The following CDKN2A variants were observed in gnomAD, a reference collection of about 807,000 sequenced individuals.
CDKN2A encodes cyclin dependent kinase inhibitor 2A.
In CDKN2A, 3 loss-of-function variants were observed where a neutral mutation model predicts 11.1. That is an observed-to-expected ratio of 0.27 (90% CI 0.12 to 0.70). The LOEUF is 0.70. CDKN2A is among the 30% of genes least tolerant of loss of function. The pLI is 0.77. For synonymous variants in CDKN2A, 122 were observed against 108.1 expected (o/e 1.13, Z -0.80); for missense variants, 265 against 233.6 (o/e 1.13, Z -0.88).
rs1233073340 is a variant in CDKN2A, at chr9:21,988,148, A to T, written c.-4+5734T>A. Among the ~76,000 whole-genome samples the T allele has an allele frequency of 6.6e-6, 1 of 152,168 alleles. No individual in the cohort carries two copies. Among genetic ancestry groups the T allele is most frequent in the East Asian group, 1.9e-4 (1 of 5,192 alleles). ...GAGATTACATGTCTTTGTTCATGTA[A>T]TTCTGAACCTCTATAAAACTTTTCT... On this transcript the variant is annotated intron_variant, in intron 2 of 3. Transcript: ENST00000494262. The surrounding 1 kb of genome is among the most constrained non-coding windows in gnomAD (Gnocchi z 4.1).
chr9:21,994,459 G>GT (rs1359647352), intron 1 of CDKN2A: 1 of 1,465,556 alleles, frequency 6.8e-7, no homozygotes, highest in Admixed American at 2.3e-5. Context: ...GCCCATCTCC[G>GT]CCCCGCAGGC....
At position 21,974,278 on chromosome 9, in the gene CDKN2A, G is replaced by C; in HGVS notation, c.150+400C>G. ...TTCCACTGATAATCCCTCCTAGTAAGAAAGATAAGCTCCATCCAGGTATCT... is the reference window on the plus strand; with the variant it reads ...TTCCACTGATAATCCCTCCTAGTAACAAAGATAAGCTCCATCCAGGTATCT... On this transcript the variant is annotated intron_variant, in intron 1 of 2. Transcript: ENST00000304494. The surrounding 1 kb of genome is among the most constrained non-coding windows in gnomAD (Gnocchi z 5.2). The C allele has an allele frequency of 3.2e-6, 2 of 630,604 alleles. No homozygotes were observed. The highest frequency in any genetic ancestry group is 2.5e-6 in the Non-Finnish European group (1 of 405,760). 39.1% of individuals were successfully genotyped at this position (630,604 alleles called of 1,614,324 possible).
Position 21,988,804 on chromosome 9 carries a change from T to C in CDKN2A, c.-4+5078A>G, listed in dbSNP as rs959885074. On this transcript the variant is annotated intron_variant, in intron 2 of 3. Coordinates refer to the CDKN2A transcript ENST00000494262. This position sits in a 1 kb window ranked among gnomAD's most constrained non-coding sequence, Gnocchi z 4.1. ...CACTATATTTTTAAAAATACCACTATGTACAAGGCACTGTGCTATATCTGG... is the reference window on the plus strand; with the variant it reads ...CACTATATTTTTAAAAATACCACTACGTACAAGGCACTGTGCTATATCTGG... Among the ~76,000 whole-genome samples the C allele has an allele frequency of 3.5e-4, 53 of 152,340 alleles. No homozygotes were observed. Among genetic ancestry groups the C allele is most frequent in the African/African-American group, 1.2e-3 (51 of 41,578 alleles).
chr9:21,974,425 T>G lies in CDKN2A; in HGVS notation c.150+253A>C. On this transcript the variant is annotated intron_variant, in intron 1 of 2. Coordinates refer to ENST00000304494, the MANE Select transcript of CDKN2A (RefSeq NM_000077.5). The surrounding 1 kb of genome is among the most constrained non-coding windows in gnomAD (Gnocchi z 5.2). Reference sequence around the variant, plus strand: ...ATACTTCCATCTAATACAAATATGTTCCCCCCTTCAGATCTTCTCAGCATT... The same window carrying G: ...ATACTTCCATCTAATACAAATATGTGCCCCCCTTCAGATCTTCTCAGCATT... 2.5e-6 allele frequency: 4 copies of G among 1,607,696 alleles called. No homozygotes were observed. The South Asian group carries it at 4.4e-5, about 18-fold the overall frequency.
chr9:21,982,768 C>T lies in CDKN2A; in HGVS notation c.-4+11114G>A, dbSNP rs369427829. ...AAAATAATGGCTATCATTTTTTCAA[C>T]CCCCAGCTATGTGACAAGCATCAAG... On this transcript the variant is annotated intron_variant, in intron 2 of 3. Coordinates refer to the CDKN2A transcript ENST00000494262. Among the ~76,000 whole-genome samples the T allele has an allele frequency of 1.8e-4, 28 of 151,860 alleles. 1 individual carries two copies. The highest frequency in any genetic ancestry group is 1.4e-3 in the Admixed American group (21 of 15,266).
chr9:21,991,728 G>A lies in CDKN2A; in HGVS notation c.-4+2154C>T. ...AATAGGCTATGTTGTTGCTACCTTA[G>A]GATCATAATGGACTTTCTAAAATTC... On this transcript the variant is annotated intron_variant, in intron 2 of 3. Coordinates refer to the CDKN2A transcript ENST00000494262. The surrounding 1 kb of genome is among the most constrained non-coding windows in gnomAD (Gnocchi z 5.2). The A allele has an allele frequency of 2.0e-6, 2 of 983,768 alleles. No individual in the cohort carries two copies. The highest frequency in any genetic ancestry group is 2.4e-6 in the Non-Finnish European group (2 of 828,546). The allele number at this position is 983,768 out of a possible 1,614,324, so 60.9% of individuals were successfully genotyped here.
rs1280997563 is a variant in CDKN2A at position 21,970,639 on chromosome 9, A to AG, written c.457+262dup. The AG allele has an allele frequency of 5.0e-6, 3 of 605,092 alleles. No individual in the cohort carries two copies. The African/African-American group carries it at 5.6e-5, about 11-fold the overall frequency. The allele number at this position is 605,092 out of a possible 1,614,324, so 37.5% of individuals were successfully genotyped here. ...TCTAGGCCTTGAACTAGCAGAGGGT[A>AG]GGTGTTTGGGTGGTGGTATGCTTTG... On this transcript the variant is annotated intron_variant, in intron 2 of 2. Coordinates refer to ENST00000304494, the MANE Select transcript of CDKN2A (RefSeq NM_000077.5).
At chr9:21,993,293 A>T (rs1458416356) in intron 2 of CDKN2A, among the ~76,000 whole-genome samples, 1 of 152,240 alleles carries the variant, frequency 6.6e-6, no homozygotes, top group Non-Finnish European at 1.5e-5. Flanking sequence ...AGGAAATTAC[A>T]CTGGCTGTGT....
chr9:21,990,088 C>G (rs1345837370), intron 2 of CDKN2A: 1 of 152,770 alleles, frequency 6.5e-6, no homozygotes, highest in African/African-American at 2.4e-5. Context: ...CTTGCACCCC[C>G]AGCGTGGCTC....
chr9:21,974,862 T>A (rs2131114708), upstream of CDKN2A: 1 of 1,506,708 alleles, frequency 6.6e-7, no homozygotes, highest in South Asian at 1.3e-5. The surrounding 1 kb of genome is among the most constrained non-coding windows in gnomAD (Gnocchi z 5.2). Context: ...GCTCTCCCCC[T>A]CTCCGCAGCC....
chr9:21,984,154 C>T (rs1820253760), intron 2 of CDKN2A, among the ~76,000 whole-genome samples: 1 of 151,974 alleles, frequency 6.6e-6, no homozygotes, highest in African/African-American at 2.4e-5. Flanking sequence ...AATTCCTGTA[C>T]ATTCTAGCAG....
chr9:21,975,356 G>C (rs556586436), upstream of CDKN2A, among the ~76,000 whole-genome samples: 15 of 152,226 alleles, frequency 9.9e-5, no homozygotes, highest in African/African-American at 3.6e-4. Context: ...TGGTGTCATA[G>C]GGAAAGTATG....
upstream of CDKN2A, chr9:21,975,250 T>C (rs1731113158): frequency 1.5e-6 from 1 of 688,346 alleles, no homozygotes; most frequent in Non-Finnish European, 1.8e-6. Context: ...AAGGCGTGTT[T>C]GAGTGCGTTC....
chr9:21,974,639 C>T lies in CDKN2A; in HGVS notation c.150+39G>A, dbSNP rs780580671. Reference sequence around the variant, plus strand: ...CTGCAAACTTCGTCCTCCAGAGTCGCCCGCCATCCCCTGCTCCCGCTGCAG... The same window carrying T: ...CTGCAAACTTCGTCCTCCAGAGTCGTCCGCCATCCCCTGCTCCCGCTGCAG... On this transcript the variant is annotated intron_variant, in intron 1 of 2. Coordinates refer to ENST00000304494, the MANE Select transcript of CDKN2A (RefSeq NM_000077.5). This position sits in a 1 kb window ranked among gnomAD's most constrained non-coding sequence, Gnocchi z 5.2. The T allele has an allele frequency of 1.9e-6, 3 of 1,614,118 alleles. No individual in the cohort carries two copies. The highest frequency in any genetic ancestry group is 2.7e-5 in the African/African-American group (2 of 74,938).
At chr9:21,994,457 C>T in intron 1 of CDKN2A, 1 of 1,542,014 alleles carries the variant, frequency 6.5e-7, no homozygotes, top group Non-Finnish European at 8.7e-7. Context: ...CTGCCCATCT[C>T]CGCCCCGCAG....
At chr9:21,994,476 C>T (rs1224864693) in intron 1 of CDKN2A, 11 of 1,518,556 alleles carry the variant, frequency 7.2e-6, no homozygotes, top group Non-Finnish European at 8.8e-6. Context: ...AGGCGCGCAC[C>T]CGCCTTCCCT....
intron 2 of CDKN2A, among the ~76,000 whole-genome samples, chr9:21,990,652 A>AGAGAGAGAGAGAGAGAGAGAGAGAGAC (rs1228678360): frequency 4.0e-5 from 1 of 24,904 alleles, no homozygotes; most frequent in South Asian, 2.4e-3. Context: ...GAGAGAGAGA[A>AGAGAGAGAGAGAGAGAGAGAGAGAGAC]ACTGTTTACT....
upstream of CDKN2A, among the ~76,000 whole-genome samples, chr9:21,977,415 G>A (rs1335675399): frequency 6.6e-6 from 1 of 152,096 alleles, no homozygotes; most frequent in Non-Finnish European, 1.5e-5. Context: ...GGAGTGAAAT[G>A]GCACCGCACG....
upstream of CDKN2A, among the ~76,000 whole-genome samples, chr9:21,975,631 T>G (rs982592919): frequency 7.2e-5 from 11 of 152,314 alleles, no homozygotes; most frequent in Admixed American, 3.3e-4. Flanking sequence ...GACGTGTACA[T>G]TGCCTGGTAT....
Sources: gnomAD v4.1 joint callset for allele counts (sites outside exome capture counted in the v4.1 genomes callset) on GRCh38, gnomAD v4.1.1 for gene constraint, Gnocchi (gnomAD v3.1) non-coding constraint, MANE v1.5 for transcripts, NCBI Gene and HGNC (gene_info 2026-07-23, HGNC 2026-07-21) for gene names.